Variants in SYCP1 observed in about 807,000 individuals in gnomAD.
The protein encoded by SYCP1 is cancer/testis antigen 8.
In SYCP1, 64 loss-of-function variants were observed where a neutral mutation model predicts 153.1. The observed-to-expected ratio is 0.42, with a 90% CI of 0.34 to 0.51. The LOEUF is 0.51. SYCP1 is among the 20% of genes least tolerant of loss of function. The pLI is 0.06. For missense variants in SYCP1, 997 were observed against 1,049.0 expected (o/e 0.95, Z 0.68); for synonymous variants, 384 against 341.8 (o/e 1.12, Z -1.36).
intron 23 of SYCP1, among the ~76,000 whole-genome samples, chr1:114,940,063 T>G (rs948166106): frequency 1.3e-5 from 2 of 152,126 alleles, no homozygotes; most frequent in African/African-American, 4.8e-5. Context: ...TTTTTCTTTA[T>G]CAGTGTCACC....
chr1:114,890,103 A>C (rs1417624436), intron 15 of SYCP1, among the ~76,000 whole-genome samples: 1 of 152,076 alleles, frequency 6.6e-6, no homozygotes, highest in African/African-American at 2.4e-5. Context: ...TAGAATTGTG[A>C]AATAGAACCA....
chr1:114,995,036 T>G lies in SYCP1; in HGVS notation c.*17T>G. ...TTTGTTTAATTTCAGAGAATCAGTG[T>G]AGTTAAGGAGCCTAATAACGTGAAA... On this transcript the variant is annotated 3_prime_UTR_variant, in exon 32 of 32. Transcript: ENST00000369522. 1 of 1,582,588 alleles carries G rather than the reference T, an allele frequency of 6.3e-7. No homozygotes were observed. The highest frequency in any genetic ancestry group is 8.6e-7 in the Non-Finnish European group (1 of 1,168,348).
intron 27 of SYCP1, 80 bp from the exon 28 acceptor site, chr1:114,977,477 A>T: frequency 1.1e-6 from 1 of 887,104 alleles, no homozygotes; most frequent in Non-Finnish European, 1.7e-6. Context: ...GTTAATACTT[A>T]CTAGGAAAGA....
intron 23 of SYCP1, among the ~76,000 whole-genome samples, chr1:114,929,127 A>G (rs1669457333): frequency 1.3e-5 from 2 of 152,312 alleles, no homozygotes; most frequent in South Asian, 2.1e-4. Flanking sequence ...CACTTCCCAC[A>G]GGCCCTACCT....
At chr1:114,863,774 A>G (rs902440600) in intron 8 of SYCP1, among the ~76,000 whole-genome samples, 2 of 152,172 alleles carry the variant, frequency 1.3e-5, no homozygotes, top group South Asian at 2.1e-4. Context: ...GACTTTTTGA[A>G]TGGGTTTCTT....
At chr1:114,896,203 T>G (rs1022565473) in intron 16 of SYCP1, among the ~76,000 whole-genome samples, 49 of 152,316 alleles carry the variant, frequency 3.2e-4, no homozygotes, top group African/African-American at 1.1e-3. Context: ...GACTGATAAT[T>G]GATTTTGTGT....
At chr1:114,866,059 C>T (rs929264299) in intron 8 of SYCP1, among the ~76,000 whole-genome samples, 3 of 152,144 alleles carry the variant, frequency 2.0e-5, no homozygotes, top group Non-Finnish European at 2.9e-5. Context: ...TTTGCACATA[C>T]CACAGCTTAT....
At chr1:114,866,526 T>C (rs900574867) in intron 8 of SYCP1, among the ~76,000 whole-genome samples, 2 of 152,176 alleles carry the variant, frequency 1.3e-5, no homozygotes, top group African/African-American at 4.8e-5. Flanking sequence ...TTTAATCAGG[T>C]TGCATGTTTT....
At chr1:114,892,169 C>G (rs1191055074) in intron 15 of SYCP1, among the ~76,000 whole-genome samples, 1 of 152,006 alleles carries the variant, frequency 6.6e-6, no homozygotes, top group Non-Finnish European at 1.5e-5. Flanking sequence ...CTTGAGGGAG[C>G]AGAGATAGTC....
At chr1:114,960,163 GTTTTTTTTTTT>G (rs757126453) in intron 27 of SYCP1, among the ~76,000 whole-genome samples, 1 of 109,476 alleles carries the variant, frequency 9.1e-6, no homozygotes, top group African/African-American at 3.9e-5. Context: ...TAGTTTGCTT[GTTTTTTTTTTT>G]TTTTTTTTTT....
intron 15 of SYCP1, among the ~76,000 whole-genome samples, chr1:114,888,305 T>C (rs550400647): frequency 1.3e-4 from 20 of 152,168 alleles, no homozygotes; most frequent in Admixed American, 9.8e-4. Flanking sequence ...TGAAAAAATA[T>C]TTTTTATAAA....
intron 27 of SYCP1, among the ~76,000 whole-genome samples, chr1:114,952,147 C>T (rs535633367): frequency 1.1e-4 from 16 of 151,942 alleles, no homozygotes; most frequent in Non-Finnish European, 2.1e-4. Flanking sequence ...TTGGTGTGAA[C>T]CTGTTTTCAT....
chr1:114,991,478 A>G (rs1272366967), intron 30 of SYCP1, among the ~76,000 whole-genome samples: 1 of 151,922 alleles, frequency 6.6e-6, no homozygotes, highest in Non-Finnish European at 1.5e-5. Context: ...AATTTATCCC[A>G]GGAATGCCAG....
intron 16 of SYCP1, among the ~76,000 whole-genome samples, chr1:114,903,788 C>T (rs373578149): frequency 2.0e-5 from 3 of 151,978 alleles, no homozygotes; most frequent in Admixed American, 6.5e-5. Context: ...TCTGGGAGGT[C>T]GTAGTAGTAG....
At chr1:114,896,790 G>A (rs1301948659) in intron 16 of SYCP1, among the ~76,000 whole-genome samples, 1 of 152,184 alleles carries the variant, frequency 6.6e-6, no homozygotes, top group East Asian at 1.9e-4. Flanking sequence ...TGGTTTGGAG[G>A]TTTTGTTATT....
At chr1:114,991,396 A>G (rs1449364620) in intron 30 of SYCP1, among the ~76,000 whole-genome samples, 1 of 151,940 alleles carries the variant, frequency 6.6e-6, no homozygotes, top group Non-Finnish European at 1.5e-5. Flanking sequence ...AATTAGATGT[A>G]AAACTACTCA....
intron 27 of SYCP1, among the ~76,000 whole-genome samples, chr1:114,954,565 T>TTATC (rs926114948): frequency 2.2e-4 from 33 of 150,530 alleles, no homozygotes; most frequent in Non-Finnish European, 3.8e-4. Context: ...ATTTATTTAT[T>TTATC]TATTTATTTA....
intron 23 of SYCP1, among the ~76,000 whole-genome samples, chr1:114,939,612 A>G (rs1022417790): frequency 6.6e-6 from 1 of 152,342 alleles, no homozygotes; most frequent in South Asian, 2.1e-4. Context: ...GACAGAAAGA[A>G]CAATGGTTGC....
At chr1:114,931,007 G>A (rs567542568) in intron 23 of SYCP1, among the ~76,000 whole-genome samples, 37 of 151,758 alleles carry the variant, frequency 2.4e-4, no homozygotes, top group Non-Finnish European at 4.9e-4. Context: ...ACTGTACCAA[G>A]TAATAAAGGA....
Sources: gnomAD v4.1 joint callset for allele counts (sites outside exome capture counted in the v4.1 genomes callset) on GRCh38, gnomAD v4.1.1 for gene constraint, MANE v1.5 for transcripts, NCBI Gene and HGNC (gene_info 2026-07-23, HGNC 2026-07-21) for gene names.